ISL1: variants seen among roughly 807,000 people sequenced by gnomAD.
ISL1 encodes the protein ISL LIM homeobox 1.
A neutral mutation model predicts 35.3 loss-of-function variants in ISL1; 4 were observed. The ratio of observed to expected loss-of-function variants is 0.11; its 90% CI spans 0.06 to 0.26. The LOEUF (loss-of-function observed/expected upper bound fraction) is 0.26, where lower values mean the gene tolerates loss of function less well. ISL1 is among the 10% of genes least tolerant of loss of function. The pLI is 1.00. For missense variants in ISL1, 340 were observed against 472.8 expected, an observed-to-expected ratio of 0.72 and a Z score of 2.60; for synonymous variants, 186 against 172.3, an observed-to-expected ratio of 1.08 and a Z score of -0.62.
At chr5:51,392,472 T>A (rs1266404581) in intron 5 of ISL1, among the ~76,000 whole-genome samples, 3 of 152,128 alleles carry the variant, frequency 2.0e-5, no homozygotes, top group Non-Finnish European at 1.5e-5. Context: ...ATGTCAACAG[T>A]TAGGTAATTG....
intron 4 of ISL1, 48 bp from the exon 5 acceptor site, chr5:51,391,226 G>A (rs1175418681): frequency 1.0e-5 from 16 of 1,599,144 alleles, no homozygotes; most frequent in South Asian, 2.2e-5. Context: ...CGGAGGGAGG[G>A]AATTTGCTCA....
Position 51,384,444 on chromosome 5 carries a change from C to T in ISL1, c.29-97C>T, listed in dbSNP as rs1580726517. 13 of 1,038,826 alleles carry T rather than the reference C, an allele frequency of 1.3e-5. No homozygotes were observed. In the East Asian group the frequency reaches 3.0e-4, roughly 24 times the overall value. 64.4% of individuals were successfully genotyped at this position (1,038,826 alleles called of 1,614,324 possible). ...GAAAGAAAGAAAGAAAGAAAAAAAC[C>T]TCCCAGAGTACGCCCTATAAGAGAA... On this transcript the variant is annotated intron_variant, in intron 1 of 5. Coordinates refer to ENST00000230658, the MANE Select transcript of ISL1 (RefSeq NM_002202.3).
chr5:51,391,563 C>A, intron 5 of ISL1, 122 bp downstream of exon 5: 1 of 1,082,596 alleles, frequency 9.2e-7, no homozygotes, highest in Non-Finnish European at 1.4e-6. Flanking sequence ...GGGGAGAAAC[C>A]AAGGAGGTGG....
chr5:51,394,104 G>T lies in ISL1; in HGVS notation c.*494G>T, dbSNP rs773972797. On this transcript the variant is annotated 3_prime_UTR_variant, in exon 6 of 6. Coordinates refer to ENST00000230658, the MANE Select transcript of ISL1 (RefSeq NM_002202.3). Reference sequence around the variant, plus strand: ...GCTGAAAGAGTCCTTTCAGGAAGGTGGAGCTGCATTGGTTTGATATGTTTA... The same window carrying T: ...GCTGAAAGAGTCCTTTCAGGAAGGTTGAGCTGCATTGGTTTGATATGTTTA... The T allele has an allele frequency of 1.6e-5, 3 of 183,418 alleles. No individual in the cohort carries two copies. Among genetic ancestry groups the T allele is most frequent in the African/African-American group, 2.4e-5 (1 of 41,672 alleles). 11.4% of individuals were successfully genotyped at this position (183,418 alleles called of 1,614,324 possible).
At position 51,383,670 on chromosome 5, in the gene ISL1, A is replaced by T. The variant is rs2111831864; in HGVS notation, c.-2A>T. On this transcript the variant is annotated 5_prime_UTR_variant, in exon 1 of 6. Coordinates refer to ENST00000230658, the MANE Select transcript of ISL1 (RefSeq NM_002202.3). ...CTGTGGACATTACTCCCTCTTACAGATATGGGAGACATGGGAGATCCACCA... is the reference window on the plus strand; with the variant it reads ...CTGTGGACATTACTCCCTCTTACAGTTATGGGAGACATGGGAGATCCACCA... 6.2e-7 allele frequency: 1 copy of T among 1,609,462 alleles called. No homozygotes were observed. Among genetic ancestry groups the T allele is most frequent in the East Asian group, 2.2e-5 (1 of 44,836 alleles).
At chr5:51,388,271 G>A (rs1160427868) in intron 3 of ISL1, among the ~76,000 whole-genome samples, 6 of 152,170 alleles carry the variant, frequency 3.9e-5, no homozygotes, top group Non-Finnish European at 5.9e-5. Context: ...TTATCTTTCT[G>A]TGAGAGAACA....
Position 51,390,636 on chromosome 5 carries a change from C to CCTTTTTTTTTT in ISL1, c.766-638_766-637insCTTTTTTTTTT, listed in dbSNP as rs1747475980. ...TTTTCTTCCTTTTTTTCTTTTCTTTCTTTTTCTTTTTTTTTTTTTTTTTTT... is the reference window on the plus strand; with the variant it reads ...TTTTCTTCCTTTTTTTCTTTTCTTTCCTTTTTTTTTTTTTTTCTTTTTTTTTTTTTTTTTTT... On this transcript the variant is annotated intron_variant, in intron 4 of 5. Transcript: ENST00000230658. Among the ~76,000 whole-genome samples, 12 of 74,326 alleles carry CCTTTTTTTTTT rather than the reference C, an allele frequency of 1.6e-4. 1 individual carries two copies. Among genetic ancestry groups the CCTTTTTTTTTT allele is most frequent in the African/African-American group, 5.1e-4 (12 of 23,650 alleles). The allele number at this position is 74,326 out of a possible 152,430, so 48.8% of individuals were successfully genotyped here. A position where few individuals can be genotyped will look rare whatever the true frequency, so the allele number is the denominator to read the frequency against.
chr5:51,389,541 G>C lies in ISL1; in HGVS notation c.479-105G>C, dbSNP rs1747431487. Reference sequence around the variant, plus strand: ...GTATCTCGGGCGGGCGAGCAAGTAAGCGGGCGGGCGGGCGGGCAAGCGAGC... The same window carrying C: ...GTATCTCGGGCGGGCGAGCAAGTAACCGGGCGGGCGGGCGGGCAAGCGAGC... On this transcript the variant is annotated intron_variant, in intron 3 of 5. Transcript: ENST00000230658. This position sits in a 1 kb window ranked among gnomAD's most constrained non-coding sequence, Gnocchi z 5.0. 2.0e-6 allele frequency: 2 copies of C among 1,013,158 alleles called. No individual in the cohort carries two copies. The highest frequency in any genetic ancestry group is 2.6e-6 in the Non-Finnish European group (2 of 760,150). 62.8% of individuals were successfully genotyped at this position (1,013,158 alleles called of 1,614,324 possible).
chr5:51,389,307 A>C lies in ISL1; in HGVS notation c.479-339A>C, dbSNP rs1242764761. Among the ~76,000 whole-genome samples the C allele has an allele frequency of 6.6e-6, 1 of 152,154 alleles. No individual in the cohort carries two copies. The highest frequency in any genetic ancestry group is 1.5e-5 in the Non-Finnish European group (1 of 68,018). On this transcript the variant is annotated intron_variant, in intron 3 of 5. Coordinates refer to ENST00000230658, the MANE Select transcript of ISL1 (RefSeq NM_002202.3). This position sits in a 1 kb window ranked among gnomAD's most constrained non-coding sequence, Gnocchi z 5.0. The stretch of plus-strand genomic sequence containing the variant: ...GAAAAATGCCACCCCTGCTGTGAAC[A>C]GGGGGACAGACTTTGAGACCTGCTT...
chr5:51,384,294 A>G (rs541431650), intron 1 of ISL1, among the ~76,000 whole-genome samples: 2 of 151,848 alleles, frequency 1.3e-5, no homozygotes, highest in South Asian at 4.2e-4. Context: ...TGCTAGGCGT[A>G]CAAATGTAGA....
Position 51,389,846 on chromosome 5 carries a change from G to A in ISL1, c.679G>A (p.Val227Ile). ...GGGCCTCAGTCCCCGTGTGATCCGG[G>A]TCTGGTTTCAAAACAAGCGGTGCAA... Reference protein sequence around the residue: ...MTGLSPRVIRVWFQNKRCKDK... With the variant: ...MTGLSPRVIRIWFQNKRCKDK... The change falls in exon 4 of 6, where the codon GTC becomes ATC. Residue 227 changes from valine to isoleucine, a missense_variant. Physicochemically the swap from Val to Ile is conservative, Grantham distance 29. Transcript: ENST00000230658. This position sits in a 1 kb window ranked among gnomAD's most constrained non-coding sequence, Gnocchi z 5.0. 1 of 1,614,238 alleles carries A rather than the reference G, an allele frequency of 6.2e-7. No individual in the cohort carries two copies. Among genetic ancestry groups the A allele is most frequent in the Non-Finnish European group, 8.5e-7 (1 of 1,180,048 alleles).
Position 51,393,839 on chromosome 5 carries a change from C to T in ISL1, c.*229C>T, listed in dbSNP as rs1747573575. The T allele has an allele frequency of 1.7e-6, 1 of 577,688 alleles. No individual in the cohort carries two copies. The highest frequency in any genetic ancestry group is 2.0e-5 in the South Asian group (1 of 49,744). 35.8% of individuals were successfully genotyped at this position (577,688 alleles called of 1,614,324 possible). A position where few individuals can be genotyped will look rare whatever the true frequency, so the allele number is the denominator to read the frequency against. ...TAAACAACAAACAAAACGCAAAACC[C>T]AGTATATGCTATTCAATGATCTTAG... On this transcript the variant is annotated 3_prime_UTR_variant, in exon 6 of 6. Transcript: ENST00000230658.
In ISL1 at chr5:51,389,572, AGCGAGCGCGCGACCGCGGGCGG is replaced by A; in HGVS notation, c.479-71_479-50del. The A allele has an allele frequency of 1.5e-6, 2 of 1,323,096 alleles. No homozygotes were observed. Among genetic ancestry groups the A allele is most frequent in the South Asian group, 1.8e-5 (1 of 54,776 alleles). 82.0% of individuals were successfully genotyped at this position (1,323,096 alleles called of 1,614,324 possible). ...GGGCGGGCGGGCAAGCGAGCGAGCG[AGCGAGCGCGCGACCGCGGGCGG>A]GCCGGCAAGCGAGCCTCCAGCCCAG... On this transcript the variant is annotated intron_variant, in intron 3 of 5. Transcript: ENST00000230658. This position sits in a 1 kb window ranked among gnomAD's most constrained non-coding sequence, Gnocchi z 5.0.
At position 51,393,732 on chromosome 5, in the gene ISL1, C is replaced by T; in HGVS notation, c.*122C>T. ...AAACTGAATCAAGAAATGAATGCTCCATGAAATGCACGAAGTCTGTTTTAA... is the reference window on the plus strand; with the variant it reads ...AAACTGAATCAAGAAATGAATGCTCTATGAAATGCACGAAGTCTGTTTTAA... On this transcript the variant is annotated 3_prime_UTR_variant, in exon 6 of 6. Coordinates refer to ENST00000230658, the MANE Select transcript of ISL1 (RefSeq NM_002202.3). The T allele has an allele frequency of 1.3e-6, 1 of 749,348 alleles. No homozygotes were observed. The highest frequency in any genetic ancestry group is 2.4e-6 in the Non-Finnish European group (1 of 409,180). 46.4% of individuals were successfully genotyped at this position (749,348 alleles called of 1,614,324 possible).
rs1385688404 is a variant in ISL1, at chr5:51,389,763, G to C, written c.596G>C (p.Cys199Ser). The part of the protein sequence containing the change: ...NEKQLHTLRT[C>S]YAANPRPDAL... The stretch of plus-strand genomic sequence containing the variant: ...AAGCAGCTGCACACCTTGCGGACCT[G>C]CTACGCCGCAAACCCGCGGCCAGAT... Residue 199 changes from cysteine to serine, a missense_variant, in exon 4 of 6, where the codon TGC (cysteine) becomes TCC (serine). Cys to Ser is a moderately radical substitution (Grantham distance 112). Coordinates refer to ENST00000230658, the MANE Select transcript of ISL1 (RefSeq NM_002202.3). This position sits in a 1 kb window ranked among gnomAD's most constrained non-coding sequence, Gnocchi z 5.0. 1.9e-6 allele frequency: 3 copies of C among 1,614,212 alleles called. No homozygotes were observed. The highest frequency in any genetic ancestry group is 2.5e-6 in the Non-Finnish European group (3 of 1,180,042).
At position 51,387,475 on chromosome 5, in the gene ISL1, C is replaced by G. The variant is rs17847230; in HGVS notation, c.219-15C>G. 1.5e-3 allele frequency: 2,398 copies of G among 1,613,670 alleles called. 66 individuals are homozygous for G. The East Asian group carries it at 0.05, about 34-fold the overall frequency. On this transcript the variant is annotated splice_polypyrimidine_tract_variant and intron_variant, in intron 2 of 5. Coordinates refer to ENST00000230658, the MANE Select transcript of ISL1 (RefSeq NM_002202.3). This position sits in a 1 kb window ranked among gnomAD's most constrained non-coding sequence, Gnocchi z 4.3. ...CCCGCTCTGGGCCGCCTCCGCTCCC[C>G]CCTCCCCCGCACAGGTTGTACGGGA... is the stretch of plus-strand genomic sequence containing the variant.
In ISL1 at chr5:51,383,487, C is replaced by T; in HGVS notation, c.-185C>T. ...CGCAGCGCCTCCGCTCCGCCAACTC[C>T]GCCGGCTTAAATTGGACTCCTAGAT... On this transcript the variant is annotated 5_prime_UTR_variant, in exon 1 of 6. Transcript: ENST00000230658. 1.6e-6 allele frequency: 1 copy of T among 645,044 alleles called. No homozygotes were observed. The highest frequency in any genetic ancestry group is 2.8e-6 in the Non-Finnish European group (1 of 357,230). The allele number at this position is 645,044 out of a possible 1,614,324, so 40.0% of individuals were successfully genotyped here. A position where few individuals can be genotyped will look rare whatever the true frequency, so the allele number is the denominator to read the frequency against.
At chr5:51,390,342 T>C (rs953665111) in intron 4 of ISL1, among the ~76,000 whole-genome samples, 2 of 152,158 alleles carry the variant, frequency 1.3e-5, no homozygotes, top group African/African-American at 2.4e-5. Flanking sequence ...GGATAATACC[T>C]TGGATTCCTG....
In ISL1 at chr5:51,386,376, C is replaced by CTGTGTGTGTG. The variant is rs3138746; in HGVS notation, c.219-1086_219-1077dup. 934 of 262,750 alleles carry CTGTGTGTGTG rather than the reference C, an allele frequency of 3.6e-3. 2 individuals are homozygous for CTGTGTGTGTG. The highest frequency in any genetic ancestry group is 8.7e-3 in the African/African-American group (374 of 43,236). The allele number at this position is 262,750 out of a possible 1,614,324, so 16.3% of individuals were successfully genotyped here. Reference sequence around the variant, plus strand: ...ACCTTCTCTTCACTCTCTCTCAACTCTGTGTGTGTGTGTGTGTGTGTGTGT... The same window carrying CTGTGTGTGTG: ...ACCTTCTCTTCACTCTCTCTCAACTCTGTGTGTGTGTGTGTGTGTGTGTGTGTGTGTGTGT... On this transcript the variant is annotated intron_variant, in intron 2 of 5. Transcript: ENST00000230658.
Sources: allele counts gnomAD v4.1 joint callset (sites outside exome capture counted in the v4.1 genomes callset), GRCh38; gene constraint gnomAD v4.1.1; non-coding constraint Gnocchi (gnomAD v3.1); transcripts MANE v1.5; gene names NCBI Gene and HGNC (gene_info 2026-07-23, HGNC 2026-07-21).